UNC13A: variants seen among roughly 807,000 people sequenced by gnomAD.
UNC13A encodes protein unc-13 homolog A.
Under a neutral mutation model 219.7 loss-of-function variants are expected in UNC13A, and 61 were observed. That is an observed-to-expected ratio of 0.28 (90% CI 0.23 to 0.34). The LOEUF is 0.34. Among genes scored for constraint, UNC13A ranks in the 10% least tolerant of loss-of-function variants. The pLI is 1.00. For synonymous variants in UNC13A, 920 were observed against 884.6 expected (o/e 1.04, Z -0.71); for missense variants, 1,476 against 2,270.3 (o/e 0.65, Z 7.11).
chr19:17,627,814 G>T lies in UNC13A; in HGVS notation c.3831+49C>A. 6.5e-7 allele frequency: 1 copy of T among 1,547,650 alleles called. No individual in the cohort carries two copies. Among genetic ancestry groups the T allele is most frequent in the Non-Finnish European group, 8.8e-7 (1 of 1,137,264 alleles). The stretch of plus-strand genomic sequence containing the variant: ...GCTCAGGGGCCTGCAGGGACACAGT[G>T]GTGGGGGTGCCCCATCCCTTCTCCA... On this transcript the variant is annotated intron_variant, in intron 32 of 43. Transcript: ENST00000519716. This position sits in a 1 kb window ranked among gnomAD's most constrained non-coding sequence, Gnocchi z 4.7.
chr19:17,626,603 G>A (rs530915424), intron 34 of UNC13A, 30 bp downstream of exon 34: 29 of 1,516,772 alleles, frequency 1.9e-5, no homozygotes, highest in East Asian at 1.7e-4. Context: ...GCCCCTCCCC[G>A]GCCAGCCCAG....
intron 41 of UNC13A, chr19:17,616,346 C>G (rs2076662610): frequency 1.5e-6 from 1 of 678,236 alleles, no homozygotes; most frequent in Admixed American, 2.1e-5. Context: ...TAGCCGGGGC[C>G]AGGAGGGGCG....
chr19:17,649,795 T>A lies in UNC13A; in HGVS notation c.1440-208A>T, dbSNP rs1159160740. Among the ~76,000 whole-genome samples, 1 of 152,088 alleles carries A rather than the reference T, an allele frequency of 6.6e-6. No homozygotes were observed. The highest frequency in any genetic ancestry group is 1.5e-5 in the Non-Finnish European group (1 of 68,022). On this transcript the variant is annotated intron_variant, in intron 12 of 43. Coordinates refer to ENST00000519716, the MANE Select transcript of UNC13A (RefSeq NM_001080421.3). This position sits in a 1 kb window ranked among gnomAD's most constrained non-coding sequence, Gnocchi z 4.4. ...ACAGATGTAATTAGTTAAGATAAGG[T>A]CATACTGGAGTAGGGTAGACACTTA...
chr19:17,666,181 C>CTCTCTT (rs1434329995), intron 7 of UNC13A, among the ~76,000 whole-genome samples: 106 of 66,358 alleles, frequency 1.6e-3, no homozygotes, highest in African/African-American at 4.2e-3. Flanking sequence ...CTTTCTTTCT[C>CTCTCTT]TCTCTCTCTT....
Position 17,606,229 on chromosome 19 carries a change from C to G in UNC13A, c.4937G>C (p.Arg1646Pro). 6.4e-7 allele frequency: 1 copy of G among 1,551,124 alleles called. No individual in the cohort carries two copies. Among genetic ancestry groups the G allele is most frequent in the Non-Finnish European group, 8.7e-7 (1 of 1,148,602 alleles). ...AVLQLRELAQ[R>P]GSAACWLPLG... Reference sequence around the variant, plus strand: ...CGGCAGCCAGCAGGCGGCGCTCCCGCGCTGGGCCAGCTCACGCAGCTGCAG... The same window carrying G: ...CGGCAGCCAGCAGGCGGCGCTCCCGGGCTGGGCCAGCTCACGCAGCTGCAG... Residue 1646 changes from arginine (R) to proline (P), a missense_variant, in exon 44 of 44, where the codon CGC becomes CCC. Arg to Pro is a moderately radical substitution (Grantham distance 103). Transcript: ENST00000519716.
In UNC13A at chr19:17,629,379, A is replaced by C. The variant is rs904988847; in HGVS notation, c.3670-56T>G. ...AGAGGCTGGCACCAAGGCAGGCGCC[A>C]GTCGTCCCATCAAGGCCACTAGTGA... On this transcript the variant is annotated intron_variant, in intron 30 of 43. Coordinates refer to ENST00000519716, the MANE Select transcript of UNC13A (RefSeq NM_001080421.3). 4.0e-6 allele frequency: 6 copies of C among 1,510,512 alleles called. 1 individual carries two copies. Among genetic ancestry groups the C allele is most frequent in the African/African-American group, 2.7e-5 (2 of 72,764 alleles). 93.6% of individuals were successfully genotyped at this position (1,510,512 alleles called of 1,614,324 possible).
intron 21 of UNC13A, 57 bp from the exon 22 acceptor site, chr19:17,640,718 TC>T: frequency 2.7e-6 from 4 of 1,489,888 alleles, no homozygotes; most frequent in Non-Finnish European, 2.7e-6. Context: ...TGGACCAAGA[TC>T]CCCCCTAGAA....
intron 4 of UNC13A, among the ~76,000 whole-genome samples, chr19:17,670,942 A>ATAAAATAAAATTAAAT: frequency 6.6e-6 from 1 of 151,156 alleles, no homozygotes. Context: ...ATAAAATAAA[A>ATAAAATAAAATTAAAT]TAAAATAAAA....
rs1171709508 is a variant in UNC13A, at chr19:17,656,281, C to T, written c.885G>A (p.Glu295=). ...HSLQGSDMED[E]RDRDSYHSCH... is the part of the protein sequence containing the mutation. ...AGGAGTGGTAGGAGTCCCGGTCCCG[C>T]TCATCCTCCATGTCGGAGCCCTGCA... Residue 295 remains glutamate, a synonymous_variant, in exon 10 of 44, where the codon GAG becomes GAA. Coordinates refer to ENST00000519716, the MANE Select transcript of UNC13A (RefSeq NM_001080421.3). The T allele has an allele frequency of 6.4e-7, 1 of 1,552,422 alleles. No individual in the cohort carries two copies. Among genetic ancestry groups the T allele is most frequent in the Non-Finnish European group, 8.7e-7 (1 of 1,147,500 alleles).
At chr19:17,675,049 T>G (rs1392449446) in intron 2 of UNC13A, among the ~76,000 whole-genome samples, 2 of 152,178 alleles carry the variant, frequency 1.3e-5, no homozygotes, top group Non-Finnish European at 2.9e-5. Flanking sequence ...CTTTGCAGGC[T>G]GGGTGCAGTG....
chr19:17,619,443 T>C (rs1051989855), intron 38 of UNC13A, among the ~76,000 whole-genome samples: 1 of 151,384 alleles, frequency 6.6e-6, no homozygotes, highest in Non-Finnish European at 1.5e-5. Context: ...CTTTTCTTTT[T>C]TTTTTTTTTT....
At chr19:17,661,104 C>CTTTTTTTTTTTTTTT (rs11287808) in intron 8 of UNC13A, among the ~76,000 whole-genome samples, 1 of 135,388 alleles carries the variant, frequency 7.4e-6, no homozygotes, top group African/African-American at 2.7e-5. Context: ...ACACCCGGCC[C>CTTTTTTTTTTTTTTT]TTTTTTTTTT....
At chr19:17,641,367 T>G (rs777388520) in intron 21 of UNC13A, 26 bp downstream of exon 21, 6 of 1,609,362 alleles carry the variant, frequency 3.7e-6, no homozygotes, top group Non-Finnish European at 5.1e-6. Flanking sequence ...CCCTCTTGTT[T>G]CCTGCACCCC....
In UNC13A at chr19:17,617,706, G is replaced by A; in HGVS notation, c.4554C>T (p.Ala1518=). The A allele has an allele frequency of 6.2e-7, 1 of 1,613,600 alleles. No individual in the cohort carries two copies. The highest frequency in any genetic ancestry group is 8.5e-7 in the Non-Finnish European group (1 of 1,179,544). The change falls in exon 41 of 44, where the codon GCC becomes GCT. Residue 1518 remains alanine, a synonymous_variant. Coordinates refer to ENST00000519716, the MANE Select transcript of UNC13A (RefSeq NM_001080421.3). The stretch of plus-strand genomic sequence containing the variant: ...ATGCGGTCTGGGTACCCTTACCCTG[G>A]GCCGATTGCGTCTGTACAAAGGTCT... ...LIKTFVQTQS[A]QGLGVEDPVG...
rs944609099 is a variant in UNC13A, at chr19:17,605,262, C to G, written c.*792G>C. ...AGGGTATGGCACCTGGAACCTTGGC[C>G]AAGTCTCAAGCAGCTCTTTAAGCCT... On this transcript the variant is annotated 3_prime_UTR_variant, in exon 44 of 44. Transcript: ENST00000519716. 6.5e-6 allele frequency: 1 copy of G among 152,896 alleles called. No individual in the cohort carries two copies. The highest frequency in any genetic ancestry group is 6.5e-5 in the Admixed American group (1 of 15,282). The allele number at this position is 152,896 out of a possible 1,614,324, so 9.5% of individuals were successfully genotyped here.
Position 17,625,012 on chromosome 19 carries a change from T to A in UNC13A, c.4074-60A>T, listed in dbSNP as rs1167321715. 3.8e-6 allele frequency: 6 copies of A among 1,579,768 alleles called. No individual in the cohort carries two copies. In the Admixed American group the frequency reaches 5.3e-5, roughly 14 times the overall value. On this transcript the variant is annotated intron_variant, in intron 34 of 43. Coordinates refer to ENST00000519716, the MANE Select transcript of UNC13A (RefSeq NM_001080421.3). ...GCTCGCCCCCACCCACAGATCACCT[T>A]CCCTTAACAGGTGGGCAAGGCATTC...
At chr19:17,654,563 T>C (rs2079414450) in intron 11 of UNC13A, among the ~76,000 whole-genome samples, 1 of 152,142 alleles carries the variant, frequency 6.6e-6, no homozygotes, top group African/African-American at 2.4e-5. Flanking sequence ...AACACAGCTG[T>C]CCCCAGCCCA....
chr19:17,627,224 T>C lies in UNC13A; in HGVS notation c.3920+285A>G, dbSNP rs1446392330. On this transcript the variant is annotated intron_variant, in intron 33 of 43. Coordinates refer to ENST00000519716, the MANE Select transcript of UNC13A (RefSeq NM_001080421.3). This position sits in a 1 kb window ranked among gnomAD's most constrained non-coding sequence, Gnocchi z 4.7. ...GAACCAGGCAAAGGGATAAGACATT[T>C]GCCCGCATTGTTCATTTCATTCTCA... is the stretch of plus-strand genomic sequence containing the variant. Among the ~76,000 whole-genome samples, 3 of 152,108 alleles carry C rather than the reference T, an allele frequency of 2.0e-5. No individual in the cohort carries two copies. The highest frequency in any genetic ancestry group is 4.4e-5 in the Non-Finnish European group (3 of 68,012).
chr19:17,663,781 G>A (rs2079594307), intron 7 of UNC13A, among the ~76,000 whole-genome samples: 1 of 151,170 alleles, frequency 6.6e-6, no homozygotes, highest in Non-Finnish European at 1.5e-5. Flanking sequence ...ATCCCTGTTT[G>A]TTTATTTTTT....
Sources: gnomAD v4.1 joint callset for allele counts (sites outside exome capture counted in the v4.1 genomes callset) on GRCh38, gnomAD v4.1.1 for gene constraint, Gnocchi (gnomAD v3.1) non-coding constraint, MANE v1.5 for transcripts, NCBI Gene and HGNC (gene_info 2026-07-23, HGNC 2026-07-21) for gene names.